The following PLCG2 variants were observed in gnomAD, a reference collection of about 807,000 sequenced individuals.
PLCG2 encodes the protein 1-phosphatidylinositol 4,5-bisphosphate phosphodiesterase gamma-2.
PLCG2 carries 69 observed loss-of-function variants against 175.6 expected under a neutral mutation model. The observed-to-expected ratio is 0.39, with a 90% confidence interval of 0.32 to 0.48. The LOEUF (loss-of-function observed/expected upper bound fraction) is 0.48, where lower values mean the gene tolerates loss of function less well. Among genes scored for constraint, PLCG2 ranks in the 20% least tolerant of loss-of-function variants. The probability of loss-of-function intolerance (pLI) is 0.91; values close to 1 mark genes in which losing one functional copy is unlikely to be tolerated. For missense variants in PLCG2, 1,798 were observed against 1,650.9 expected (o/e 1.09, Z -1.54); for synonymous variants, 827 against 624.0 (o/e 1.33, Z -4.85).
chr16:81,908,344 A>G, intron 16 of PLCG2, 72 bp from the exon 17 acceptor site: 1 of 1,398,636 alleles, frequency 7.1e-7, no homozygotes, highest in Non-Finnish European at 1.0e-6. Context: ...AGGGTGAGAC[A>G]GAAGGACCTG....
At chr16:81,760,278 C>A (rs1910010295) in intron 2 of PLCG2, among the ~76,000 whole-genome samples, 1 of 152,188 alleles carries the variant, frequency 6.6e-6, no homozygotes, top group African/African-American at 2.4e-5. Flanking sequence ...GTGCCCACTG[C>A]CAGGACTGGG....
chr16:81,874,861 C>G (rs560612866), intron 7 of PLCG2, among the ~76,000 whole-genome samples: 4 of 150,714 alleles, frequency 2.7e-5, no homozygotes, highest in South Asian at 4.2e-4. Context: ...GGATATACCT[C>G]TAACTAGGCT....
intron 26 of PLCG2, 99 bp from the exon 27 acceptor site, chr16:81,936,070 T>C: frequency 6.6e-7 from 1 of 1,508,830 alleles, no homozygotes; most frequent in Non-Finnish European, 8.8e-7. Flanking sequence ...AGATTCCTGG[T>C]TTCCTTTTAT....
chr16:81,946,165 T>C lies in PLCG2; in HGVS notation c.3482-10T>C. 1.9e-6 allele frequency: 3 copies of C among 1,610,168 alleles called. No homozygotes were observed. Among genetic ancestry groups the C allele is most frequent in the Non-Finnish European group, 2.6e-6 (3 of 1,176,464 alleles). On this transcript the variant is annotated splice_polypyrimidine_tract_variant and intron_variant, in intron 30 of 32. Transcript: ENST00000564138. ...CCTGCCTTTGCATTTTCCTCCTTGT[T>C]CTGCTTCAGGATTCAGGTCCGTTCC... is the stretch of plus-strand genomic sequence containing the variant.
chr16:81,937,570 G>C (rs1910766135), intron 27 of PLCG2, 188 bp from the exon 28 acceptor site: 4 of 435,002 alleles, frequency 9.2e-6, no homozygotes, highest in Non-Finnish European at 1.6e-5. Context: ...ACTTGGAAAG[G>C]TGTTCCCCAG....
intron 10 of PLCG2, among the ~76,000 whole-genome samples, chr16:81,890,636 C>G (rs1444831220): frequency 6.6e-6 from 1 of 152,130 alleles, no homozygotes; most frequent in Non-Finnish European, 1.5e-5. Context: ...GAATGGTTGC[C>G]TTTGACCTTG....
At chr16:81,745,331 C>T (rs964071891) in intron 1 of PLCG2, among the ~76,000 whole-genome samples, 2 of 152,182 alleles carry the variant, frequency 1.3e-5, no homozygotes, top group African/African-American at 4.8e-5. Context: ...CCACAGGAAC[C>T]TCTCTTTTCT....
intron 26 of PLCG2, chr16:81,935,678 G>T: frequency 2.0e-6 from 2 of 985,348 alleles, no homozygotes; most frequent in Non-Finnish European, 2.4e-6. Flanking sequence ...TGGGAGAGAA[G>T]ATGAGGCCTG....
At chr16:81,749,378 T>C (rs1319719898) in intron 1 of PLCG2, among the ~76,000 whole-genome samples, 1 of 152,196 alleles carries the variant, frequency 6.6e-6, no homozygotes, top group Non-Finnish European at 1.5e-5. Flanking sequence ...CGATGGAGTC[T>C]CATTCACTCT....
intron 2 of PLCG2, among the ~76,000 whole-genome samples, chr16:81,792,853 A>G (rs1911301686): frequency 6.6e-6 from 1 of 152,176 alleles, no homozygotes. Context: ...TTGGGTGGGG[A>G]GAGAGCCAGA....
chr16:81,799,303 T>A (rs1911616445), intron 2 of PLCG2, among the ~76,000 whole-genome samples: 1 of 151,178 alleles, frequency 6.6e-6, no homozygotes, highest in Non-Finnish European at 1.5e-5. Context: ...CCAACAAAAC[T>A]TTATTCACAA....
rs1343444962 is a variant in PLCG2 at position 81,803,276 on chromosome 16, G to A, written c.193+17094G>A. Among the ~76,000 whole-genome samples, 8 of 151,562 alleles carry A rather than the reference G, an allele frequency of 5.3e-5. No homozygotes were observed. In the East Asian group the frequency reaches 5.8e-4, roughly 11 times the overall value. On this transcript the variant is annotated intron_variant, in intron 2 of 32. Coordinates refer to ENST00000564138, the MANE Select transcript of PLCG2 (RefSeq NM_002661.5). ...TGGGACTACAGGTGCCCACCACCAC[G>A]CCTGTCTAATTTTTTTTGTATTTTT...
At chr16:81,780,612 C>A (rs111491648) in intron 1 of PLCG2, among the ~76,000 whole-genome samples, 3 of 152,158 alleles carry the variant, frequency 2.0e-5, no homozygotes, top group African/African-American at 7.2e-5. Context: ...AGCTGCCTTC[C>A]CCCACCAGCG....
rs1463484129 is a variant in PLCG2 at position 81,802,182 on chromosome 16, G to C, written c.193+16000G>C. 2.5e-5 allele frequency among the ~76,000 whole-genome samples: 3 copies of C among 121,666 alleles called. No individual in the cohort carries two copies. In the East Asian group the frequency reaches 8.1e-4, roughly 33 times the overall value. The allele number at this position is 121,666 out of a possible 152,430, so 79.8% of individuals were successfully genotyped here. ...GGCCAGAGTGCAGTGGCGCTATCTT[G>C]GCTCACTGCAAGCTCCGCCTCCCGG... On this transcript the variant is annotated intron_variant, in intron 2 of 32. Coordinates refer to ENST00000564138, the MANE Select transcript of PLCG2 (RefSeq NM_002661.5).
intron 6 of PLCG2, among the ~76,000 whole-genome samples, chr16:81,869,818 G>A (rs561781804): frequency 6.6e-6 from 1 of 152,134 alleles, no homozygotes. Flanking sequence ...GGTCTGGGCA[G>A]TAAAGCCACT....
intron 2 of PLCG2, among the ~76,000 whole-genome samples, chr16:81,817,771 G>A (rs1439847245): frequency 1.3e-5 from 2 of 152,224 alleles, no homozygotes; most frequent in African/African-American, 4.8e-5. Flanking sequence ...ACAGGCATAA[G>A]CCCCTGCACT....
intron 30 of PLCG2, among the ~76,000 whole-genome samples, chr16:81,942,991 T>A (rs568951367): frequency 6.6e-6 from 1 of 152,028 alleles, no homozygotes; most frequent in Non-Finnish European, 1.5e-5. Context: ...AGAAGGTACA[T>A]AGAGCTGGAG....
intron 19 of PLCG2, among the ~76,000 whole-genome samples, chr16:81,913,529 C>T (rs1418991453): frequency 6.6e-6 from 1 of 152,238 alleles, no homozygotes; most frequent in Admixed American, 6.5e-5. Flanking sequence ...AAAGCCTAAG[C>T]TCTTCACTCC....
At chr16:81,803,187 C>G (rs986211862) in intron 2 of PLCG2, among the ~76,000 whole-genome samples, 19 of 145,530 alleles carry the variant, frequency 1.3e-4, no homozygotes, top group Non-Finnish European at 2.5e-4. Context: ...GGCATGATCT[C>G]GGCTCACTGC....
Sources: gnomAD v4.1 joint callset for allele counts (sites outside exome capture counted in the v4.1 genomes callset) on GRCh38, gnomAD v4.1.1 for gene constraint, MANE v1.5 for transcripts, NCBI Gene and HGNC (gene_info 2026-07-23, HGNC 2026-07-21) for gene names.